Variants in SLC4A4 observed in about 807,000 individuals in gnomAD.
SLC4A4 encodes electrogenic sodium bicarbonate cotransporter 1.
In SLC4A4, 27 loss-of-function variants were observed where a neutral mutation model predicts 111.5. The observed-to-expected ratio is 0.24, with a 90% CI of 0.18 to 0.33. The LOEUF (loss-of-function observed/expected upper bound fraction) is 0.33. Among genes scored for constraint, SLC4A4 ranks in the 10% least tolerant of loss-of-function variants. The probability of loss-of-function intolerance (pLI) is 1.00; values close to 1 mark genes in which losing one functional copy is unlikely to be tolerated. For missense variants in SLC4A4, 909 were observed against 1,315.5 expected (o/e 0.69, Z 4.78); for synonymous variants, 443 against 463.4 (o/e 0.96, Z 0.57).
At chr4:71,371,805 T>A (rs1180871473) in intron 6 of SLC4A4, among the ~76,000 whole-genome samples, 1 of 152,212 alleles carries the variant, frequency 6.6e-6, no homozygotes, top group South Asian at 2.1e-4. Context: ...CTCATGCTTT[T>A]GTGTCTCCTC....
At chr4:71,466,837 C>T (rs113538049) in intron 13 of SLC4A4, among the ~76,000 whole-genome samples, 3 of 151,864 alleles carry the variant, frequency 2.0e-5, no homozygotes, top group African/African-American at 7.3e-5. Context: ...GCCCTGTGCT[C>T]TAGGGGCTGA....
rs565403755 is a variant in SLC4A4 at position 71,068,322 on chromosome 4, C to A, written c.-65+5534C>A. Reference sequence around the variant, plus strand: ...TCAGATGATCTGCCCGCCTTGGCTTCCCAAAGTGTTGGGATTACAGGCGTG... The same window carrying A: ...TCAGATGATCTGCCCGCCTTGGCTTACCAAAGTGTTGGGATTACAGGCGTG... On this transcript the variant is annotated intron_variant, in intron 1 of 26. Transcript: ENST00000649996. 2.7e-3 allele frequency among the ~76,000 whole-genome samples: 404 copies of A among 152,198 alleles called. 1 individual carries two copies. The highest frequency in any genetic ancestry group is 6.8e-3 in the Middle Eastern group (2 of 294).
rs34939711 is a variant in SLC4A4, at chr4:71,386,754, G to A, written c.731-10823G>A. On this transcript the variant is annotated intron_variant, in intron 6 of 25. Coordinates refer to ENST00000264485, the MANE Select transcript of SLC4A4 (RefSeq NM_001098484.3). Reference sequence around the variant, plus strand: ...AAACTAATTAGAACTTTTATTTCAAGTTTTCTAAGTGATATTTCTTTTTTG... The same window carrying A: ...AAACTAATTAGAACTTTTATTTCAAATTTTCTAAGTGATATTTCTTTTTTG... Among the ~76,000 whole-genome samples, 1,115 of 152,118 alleles carry A rather than the reference G, an allele frequency of 7.3e-3. 5 individuals are homozygous for A. The highest frequency in any genetic ancestry group is 0.016 in the South Asian group (79 of 4,826).
intron 2 of SLC4A4, among the ~76,000 whole-genome samples, chr4:71,171,743 C>T (rs906712547): frequency 8.5e-5 from 13 of 152,138 alleles, no homozygotes; most frequent in Non-Finnish European, 1.5e-4. Flanking sequence ...GAAAAATCAC[C>T]TCCATCTACT....
intron 6 of SLC4A4, among the ~76,000 whole-genome samples, chr4:71,359,244 C>T (rs1014045895): frequency 6.6e-6 from 1 of 152,196 alleles, no homozygotes; most frequent in Admixed American, 6.5e-5. Flanking sequence ...ATTGCCTTTG[C>T]CATCCATCTT....
intron 6 of SLC4A4, among the ~76,000 whole-genome samples, chr4:71,390,719 C>G (rs1013028762): frequency 5.9e-5 from 9 of 152,102 alleles, no homozygotes; most frequent in Admixed American, 3.3e-4. Context: ...TTGTACATTA[C>G]ATTTTCTCTT....
At chr4:71,433,175 C>T (rs899646233) in intron 7 of SLC4A4, among the ~76,000 whole-genome samples, 1 of 151,872 alleles carries the variant, frequency 6.6e-6, no homozygotes, top group African/African-American at 2.4e-5. Context: ...CTTCCTCCCC[C>T]TCACCATTAG....
chr4:71,114,770 C>A, intron 2 of SLC4A4, among the ~76,000 whole-genome samples: 1 of 126,786 alleles, frequency 7.9e-6, no homozygotes, highest in Non-Finnish European at 1.6e-5. Flanking sequence ...TTGTGGAAGT[C>A]AGTGTGGCGA....
intron 1 of SLC4A4, among the ~76,000 whole-genome samples, chr4:71,214,783 GC>G (rs1021764498): frequency 6.6e-6 from 1 of 152,214 alleles, no homozygotes; most frequent in African/African-American, 2.4e-5. Flanking sequence ...TTGGCCTGGG[GC>G]TTGGGCTCTG....
chr4:71,300,886 G>T, intron 3 of SLC4A4: 1 of 502,936 alleles, frequency 2.0e-6, no homozygotes, highest in Non-Finnish European at 4.1e-6. Flanking sequence ...AGATTGCTCA[G>T]CACGTGGTAG....
rs1720559197 is a variant in SLC4A4, at chr4:71,245,160, A to G, written c.73+8511A>G. 2.0e-5 allele frequency among the ~76,000 whole-genome samples: 3 copies of G among 152,304 alleles called. No homozygotes were observed. In the South Asian group the frequency reaches 6.2e-4, roughly 32 times the overall value. On this transcript the variant is annotated intron_variant, in intron 2 of 25. Transcript: ENST00000264485. ...CCATTTGAGAAACAGAAATAAGGCT[A>G]CAGTAGCTGGACCATGTGAACAGGG... is the stretch of plus-strand genomic sequence containing the variant.
intron 1 of SLC4A4, among the ~76,000 whole-genome samples, chr4:71,204,664 G>A (rs1325230610): frequency 6.6e-6 from 1 of 151,720 alleles, no homozygotes; most frequent in Non-Finnish European, 1.5e-5. Flanking sequence ...GAACTAGGAG[G>A]GATAAAGATA....
chr4:71,124,512 T>C (rs1007622378), intron 2 of SLC4A4, among the ~76,000 whole-genome samples: 1 of 152,186 alleles, frequency 6.6e-6, no homozygotes, highest in African/African-American at 2.4e-5. Flanking sequence ...GTTGTAAATT[T>C]TGTACATTCG....
chr4:71,272,326 T>C (rs1467837897), intron 3 of SLC4A4, among the ~76,000 whole-genome samples: 2 of 152,174 alleles, frequency 1.3e-5, no homozygotes, highest in Non-Finnish European at 2.9e-5. Context: ...ATACACTACC[T>C]TCTTTAGTCT....
At chr4:71,242,867 C>A (rs1720362972) in intron 2 of SLC4A4, among the ~76,000 whole-genome samples, 1 of 151,996 alleles carries the variant, frequency 6.6e-6, no homozygotes, top group African/African-American at 2.4e-5. Flanking sequence ...CTTTGCCTTC[C>A]TAACCATACT....
chr4:71,231,412 T>C (rs1362847667), intron 1 of SLC4A4, among the ~76,000 whole-genome samples: 4 of 152,222 alleles, frequency 2.6e-5, no homozygotes, highest in Admixed American at 2.6e-4. Flanking sequence ...CTTACGAGCC[T>C]GCTCAGTGAT....
intron 3 of SLC4A4, among the ~76,000 whole-genome samples, chr4:71,288,513 C>T (rs989224158): frequency 4.6e-5 from 7 of 152,098 alleles, no homozygotes; most frequent in African/African-American, 7.2e-5. Flanking sequence ...ATTCTCCTGC[C>T]TCAGCCTCCC....
chr4:71,065,502 T>C (rs531752092), intron 1 of SLC4A4, among the ~76,000 whole-genome samples: 1 of 152,320 alleles, frequency 6.6e-6, no homozygotes, highest in East Asian at 1.9e-4. Context: ...TATATTTTCT[T>C]CAATTGCTAT....
At chr4:71,106,246 A>T (rs12512205) in intron 2 of SLC4A4, among the ~76,000 whole-genome samples, 146,583 of 147,188 alleles carry the variant, frequency 1, 73,006 homozygotes, top group Middle Eastern at 1. Flanking sequence ...CCAGTTAGAA[A>T]GGCAATCATT....
Sources: allele counts gnomAD v4.1 joint callset (sites outside exome capture counted in the v4.1 genomes callset), GRCh38; gene constraint gnomAD v4.1.1; transcripts MANE v1.5; gene names NCBI Gene and HGNC (gene_info 2026-07-23, HGNC 2026-07-21).